Variants in UBA6 observed in about 807,000 individuals in gnomAD.
UBA6 encodes ubiquitin-like modifier-activating enzyme 6.
UBA6 carries 87 observed loss-of-function variants against 148.3 expected under a neutral mutation model. That is an observed-to-expected ratio of 0.59 (90% CI 0.49 to 0.70). The LOEUF is 0.70. Among genes scored for constraint, UBA6 ranks in the 30% least tolerant of loss-of-function variants. UBA6 has a pLI of 0.00. For synonymous variants in UBA6, 376 were observed against 401.0 expected (o/e 0.94, Z 0.75); for missense variants, 1,186 against 1,241.2 (o/e 0.96, Z 0.67).
At chr4:67,640,393 C>T (rs140740691) in intron 18 of UBA6, among the ~76,000 whole-genome samples, 1 of 152,340 alleles carries the variant, frequency 6.6e-6, no homozygotes, top group East Asian at 1.9e-4. Flanking sequence ...ACTTTCTGTT[C>T]ATGACATTAC....
chr4:67,635,923 T>C (rs1313108353), intron 19 of UBA6, among the ~76,000 whole-genome samples: 2 of 152,220 alleles, frequency 1.3e-5, no homozygotes, highest in East Asian at 3.8e-4. Context: ...ATTAATCTTC[T>C]TTCTCAACAC....
At chr4:67,630,428 G>T (rs1728970530) in intron 26 of UBA6, 38 bp downstream of exon 26, 1 of 1,451,904 alleles carries the variant, frequency 6.9e-7, no homozygotes, top group Non-Finnish European at 9.4e-7. Context: ...TTCTAATTTG[G>T]TTTTGCATCA....
intron 17 of UBA6, 146 bp from the exon 18 acceptor site, chr4:67,641,374 T>C (rs1291862307): frequency 9.3e-6 from 5 of 535,518 alleles, no homozygotes; most frequent in Non-Finnish European, 9.8e-6. Context: ...CATTCCCAAA[T>C]AGTTACCAAT....
At chr4:67,635,671 C>T (rs1004138517) in intron 19 of UBA6, 113 bp from the exon 20 acceptor site, 20 of 656,482 alleles carry the variant, frequency 3.0e-5, no homozygotes, top group Admixed American at 7.4e-5. Context: ...TTCTTGAATG[C>T]AGTATTTTAG....
At chr4:67,689,067 C>T (rs965206937) in intron 2 of UBA6, among the ~76,000 whole-genome samples, 2 of 152,040 alleles carry the variant, frequency 1.3e-5, no homozygotes, top group Non-Finnish European at 2.9e-5. Context: ...ACTTTGGGTA[C>T]CCATACAACC....
intron 4 of UBA6, 64 bp downstream of exon 4, chr4:67,681,499 C>A (rs993903425): frequency 3.7e-6 from 4 of 1,075,982 alleles, no homozygotes; most frequent in East Asian, 2.6e-5. Context: ...AACAATATTA[C>A]CATAACAAAT....
chr4:67,647,658 A>C (rs1419474816), intron 14 of UBA6, among the ~76,000 whole-genome samples: 1 of 149,496 alleles, frequency 6.7e-6, no homozygotes, highest in Non-Finnish European at 1.5e-5. Flanking sequence ...ACTGAGTCTT[A>C]ATCTCATTTT....
Position 67,646,772 on chromosome 4 carries a change from T to TCTG in UBA6, c.1265_1267dup (p.Ala422dup). 1 of 1,605,278 alleles carries TCTG rather than the reference T, an allele frequency of 6.2e-7. No individual in the cohort carries two copies. The highest frequency in any genetic ancestry group is 8.5e-7 in the Non-Finnish European group (1 of 1,175,840). On this transcript the variant is annotated inframe_insertion, in exon 15 of 33. Coordinates refer to ENST00000322244, the MANE Select transcript of UBA6 (RefSeq NM_018227.6). The stretch of plus-strand genomic sequence containing the variant: ...AGGTTTGCCTAGTGATTCAACAATA[T>TCTG]CTGCTGCTTCAAGATATAACTTAAA...
At chr4:67,636,406 T>A (rs1158926006) in intron 19 of UBA6, among the ~76,000 whole-genome samples, 2 of 152,148 alleles carry the variant, frequency 1.3e-5, no homozygotes, top group African/African-American at 4.8e-5. Context: ...ACGGTCTCCC[T>A]CTCCCTCTCT....
chr4:67,641,151 C>T lies in UBA6; in HGVS notation c.1554G>A (p.Gln518=). ...AATTTGAAACAGAATAGCAACATACCTGTATGTGATGAGGACGAAATAGGA... is the reference window on the plus strand; with the variant it reads ...AATTTGAAACAGAATAGCAACATACTTGTATGTGATGAGGACGAAATAGGA... ...RQFLFRPHHI[Q]KPKSYTAADA... is the part of the protein sequence containing the mutation. The change falls in exon 18 of 33, where the codon CAG becomes CAA. Residue 518 remains glutamine (Q), a splice_region_variant and synonymous_variant. Coordinates refer to ENST00000322244, the MANE Select transcript of UBA6 (RefSeq NM_018227.6). 1.9e-6 allele frequency: 3 copies of T among 1,571,134 alleles called. No individual in the cohort carries two copies. Among genetic ancestry groups the T allele is most frequent in the Admixed American group, 1.8e-5 (1 of 54,258 alleles).
intron 20 of UBA6, 143 bp from the exon 21 acceptor site, chr4:67,634,661 T>A: frequency 1.8e-6 from 1 of 543,132 alleles, no homozygotes. Context: ...CTTCTCTCTC[T>A]TAGGCAATAA....
intron 2 of UBA6, among the ~76,000 whole-genome samples, chr4:67,683,793 A>C (rs2627255): frequency 0.25 from 38,426 of 152,000 alleles, 5,047 homozygotes; most frequent in Middle Eastern, 0.31. Context: ...ACGTACCAGG[A>C]CAGTTGTGGT....
At position 67,625,100 on chromosome 4, in the gene UBA6, C is replaced by G; in HGVS notation, c.2606G>C (p.Arg869Pro). 6.2e-7 allele frequency: 1 copy of G among 1,613,308 alleles called. No individual in the cohort carries two copies. Among genetic ancestry groups the G allele is most frequent in the Non-Finnish European group, 8.5e-7 (1 of 1,179,496 alleles). ...IDFITAASNLRAKMYSIEPAD... is the reference protein window; with the variant it reads ...IDFITAASNLPAKMYSIEPAD... The stretch of plus-strand genomic sequence containing the variant: ...TGGTTCAATGCTGTACATTTTGGCA[C>G]GAAGATTTGATGCAGCTGTGATGAA... The change falls in exon 29 of 33, where the codon CGT (arginine) becomes CCT (proline). Residue 869 changes from arginine (R) to proline (P), a missense_variant. Arg to Pro is a moderately radical substitution (Grantham distance 103, BLOSUM62 -2). Transcript: ENST00000322244.
chr4:67,653,321 G>A (rs776380420), intron 13 of UBA6, among the ~76,000 whole-genome samples: 3 of 152,188 alleles, frequency 2.0e-5, no homozygotes, highest in Admixed American at 6.5e-5. Context: ...CTGGGACGAA[G>A]CTTCCAGAGG....
At chr4:67,622,698 G>T in intron 32 of UBA6, 133 bp downstream of exon 32, 1 of 621,800 alleles carries the variant, frequency 1.6e-6, no homozygotes, top group Non-Finnish European at 2.6e-6. Flanking sequence ...CAGATTCACT[G>T]TCTTTATTAA....
chr4:67,685,605 T>C (rs1345285027), intron 2 of UBA6, among the ~76,000 whole-genome samples: 4 of 152,242 alleles, frequency 2.6e-5, no homozygotes, highest in South Asian at 4.2e-4. Context: ...TTCCCGGAGT[T>C]TGTGTGTTGG....
intron 23 of UBA6, among the ~76,000 whole-genome samples, chr4:67,632,957 A>G (rs1356056825): frequency 6.6e-6 from 1 of 152,212 alleles, no homozygotes; most frequent in East Asian, 1.9e-4. Flanking sequence ...GCTAATATTT[A>G]GTAATTTTTT....
At chr4:67,700,661 T>G (rs2109965982) in intron 1 of UBA6, among the ~76,000 whole-genome samples, 1 of 152,182 alleles carries the variant, frequency 6.6e-6, no homozygotes, top group South Asian at 2.1e-4. Context: ...ACAGTGGCGC[T>G]CCTAGCTTTC....
At chr4:67,682,283 G>T in intron 2 of UBA6, 70 bp from the exon 3 acceptor site, 3 of 1,223,952 alleles carry the variant, frequency 2.5e-6, no homozygotes, top group Non-Finnish European at 3.5e-6. Flanking sequence ...AAAGTTGTTT[G>T]CAAACTAAAA....
Sources: gnomAD v4.1 joint callset for allele counts (sites outside exome capture counted in the v4.1 genomes callset) on GRCh38, gnomAD v4.1.1 for gene constraint, MANE v1.5 for transcripts, NCBI Gene and HGNC (gene_info 2026-07-23, HGNC 2026-07-21) for gene names.